Variants in SDS observed in about 807,000 individuals in gnomAD.
SDS encodes the protein serine dehydratase, also known as L-serine dehydratase/L-threonine deaminase.
A neutral mutation model predicts 29.3 loss-of-function variants in SDS; 19 were observed. The observed-to-expected ratio is 0.65, with a 90% CI of 0.45 to 0.95. The LOEUF (loss-of-function observed/expected upper bound fraction) is 0.95, where lower values mean the gene tolerates loss of function less well. SDS is among the 40% of genes least tolerant of loss of function. The pLI is 0.00. For synonymous variants in SDS, 176 were observed against 189.0 expected (o/e 0.93, Z 0.56); for missense variants, 375 against 439.9 (o/e 0.85, Z 1.32).
chr12:113,399,137 G>A lies in SDS; in HGVS notation c.168C>T (p.Gly56=), dbSNP rs192361651. The A allele has an allele frequency of 2.3e-5, 37 of 1,613,910 alleles. No homozygotes were observed. The East Asian group carries it at 6.7e-4, about 29-fold the overall frequency. Residue 56 remains glycine (G), a synonymous_variant, in exon 3 of 8, where the codon GGC becomes GGT. Coordinates refer to ENST00000257549, the MANE Select transcript of SDS (RefSeq NM_006843.3). ...GHFCKRWAKQ[G]CAHFVCSSAG... ...CCGAGGAGCAGACAAAATGTGCACA[G>A]CCTTGCTTGGCCCACTGTGGAGACA...
intron 6 of SDS, chr12:113,396,547 T>TC (rs1565869431): frequency 3.3e-5 from 1 of 30,130 alleles, no homozygotes; most frequent in Non-Finnish European, 7.2e-5. Context: ...CCTCTCTCCC[T>TC]TCCTTCCTTC....
chr12:113,399,455 T>A (rs1957670437), intron 2 of SDS, 101 bp downstream of exon 2: 2 of 1,341,520 alleles, frequency 1.5e-6, no homozygotes, highest in African/African-American at 3.0e-5. Context: ...GTCAGTAGGC[T>A]TATCCTACAA....
intron 2 of SDS, 102 bp from the exon 3 acceptor site, chr12:113,399,253 C>T (rs575386015): frequency 2.9e-5 from 37 of 1,259,402 alleles, no homozygotes; most frequent in African/African-American, 2.8e-4. Context: ...TGGACACGGA[C>T]GTTTCCTTCA....
At chr12:113,401,903 T>G (rs1957686463) in intron 1 of SDS, among the ~76,000 whole-genome samples, 1 of 152,078 alleles carries the variant, frequency 6.6e-6, no homozygotes, top group South Asian at 2.1e-4. Flanking sequence ...TGGTTCCCCC[T>G]CCCTCCACCA....
In SDS at chr12:113,393,014, C is replaced by T. The variant is rs1334616904; in HGVS notation, c.914G>A (p.Gly305Asp). 3 of 1,614,114 alleles carry T rather than the reference C, an allele frequency of 1.9e-6. No individual in the cohort carries two copies. Among genetic ancestry groups the T allele is most frequent in the East Asian group, 2.2e-5 (1 of 44,884 alleles). ...LPSLVVIVCG[G>D]SNISLAQLRA... is the part of the protein sequence containing the mutation. ...CAGCTGGGCCAGGCTGATGTTGCTG[C>T]CCCCGCAGACGATGACCACGAGGGA... is the stretch of plus-strand genomic sequence containing the variant. Residue 305 changes from glycine (G) to aspartate (D), a missense_variant, in exon 8 of 8, where the codon GGC becomes GAC. By Grantham distance (94) the Gly-to-Asp change is moderately conservative. Coordinates refer to ENST00000257549, the MANE Select transcript of SDS (RefSeq NM_006843.3).
At position 113,398,718 on chromosome 12, in the gene SDS, C is replaced by A; in HGVS notation, c.322G>T (p.Val108Leu). ...GGGTCGGCACTCACCTCACCCACCA[C>A]CTTGACTGTGGCACCTTCATTCTTG... is the stretch of plus-strand genomic sequence containing the variant. ...RLKNEGATVK[V>L]VGELLDEAFE... is the part of the protein sequence containing the mutation. Residue 108 changes from valine (V) to leucine (L), a missense_variant, in exon 4 of 8, where the codon GTG (valine) becomes TTG (leucine). Coordinates refer to ENST00000257549, the MANE Select transcript of SDS (RefSeq NM_006843.3). The A allele has an allele frequency of 1.2e-6, 2 of 1,614,194 alleles. No homozygotes were observed. The highest frequency in any genetic ancestry group is 1.7e-6 in the Non-Finnish European group (2 of 1,180,006).
At chr12:113,396,383 T>G (rs999236724) in intron 6 of SDS, among the ~76,000 whole-genome samples, 2 of 149,708 alleles carry the variant, frequency 1.3e-5, no homozygotes, top group African/African-American at 4.9e-5. Context: ...TCTCTCTTTT[T>G]CTTTCTTTCT....
At chr12:113,397,001 G>A in intron 6 of SDS, 164 bp downstream of exon 6, 1 of 644,712 alleles carries the variant, frequency 1.6e-6, no homozygotes, top group East Asian at 2.7e-5. Context: ...TTGGGTTTGA[G>A]TCCAAGCTGT....
intron 6 of SDS, among the ~76,000 whole-genome samples, chr12:113,395,743 G>A (rs906496401): frequency 6.6e-6 from 1 of 152,182 alleles, no homozygotes; most frequent in Non-Finnish European, 1.5e-5. Context: ...ACTTTTCATG[G>A]TAAAGTTCAA....
At chr12:113,401,204 G>A (rs1463014384) in intron 1 of SDS, among the ~76,000 whole-genome samples, 1 of 151,836 alleles carries the variant, frequency 6.6e-6, no homozygotes, top group East Asian at 1.9e-4. Flanking sequence ...ACGATCCCAG[G>A]ACCCAGCAAA....
chr12:113,393,808 G>C, intron 7 of SDS, 84 bp downstream of exon 7: 2 of 1,576,238 alleles, frequency 1.3e-6, no homozygotes. Flanking sequence ...CTTGGGGTGA[G>C]TGGGATCCCC....
Position 113,392,955 on chromosome 12 carries a change from T to A in SDS, c.973A>T (p.Arg325Trp), listed in dbSNP as rs1312173773. 6.2e-7 allele frequency: 1 copy of A among 1,614,120 alleles called. No homozygotes were observed. The highest frequency in any genetic ancestry group is 8.5e-7 in the Non-Finnish European group (1 of 1,179,990). ...GGGGTCCGTCCTCACTTGGGCAACC[T>A]ATTTGTCATGCCCAGCTGTTCCTTG... The part of the protein sequence containing the change: ...ALKEQLGMTN[R>W]LPK Residue 325 changes from arginine to tryptophan, a missense_variant, in exon 8 of 8, where the codon AGG becomes TGG. Coordinates refer to ENST00000257549, the MANE Select transcript of SDS (RefSeq NM_006843.3).
chr12:113,399,699 C>T lies in SDS; in HGVS notation c.10G>A (p.Gly4Arg), dbSNP rs1957672506. 1.3e-6 allele frequency: 2 copies of T among 1,584,662 alleles called. No homozygotes were observed. The highest frequency in any genetic ancestry group is 1.8e-5 in the Admixed American group (1 of 55,222). Residue 4 changes from glycine (G) to arginine (R), a missense_variant, in exon 2 of 8, where the codon GGA becomes AGA. Physicochemically the swap from Gly to Arg is moderately radical, Grantham distance 125. Transcript: ENST00000257549. ...GGGGTCTTCACGTGCAGGGGTTCTC[C>T]AGACATCATTCCTGGGAGAAAGGAA... Reference protein sequence around the residue: MMSGEPLHVKTPIR... With the variant: MMSREPLHVKTPIR...
Position 113,399,552 on chromosome 12 carries a change from G to T in SDS, c.153+4C>A. On this transcript the variant is annotated splice_donor_region_variant and intron_variant, in intron 2 of 7. Coordinates refer to ENST00000257549, the MANE Select transcript of SDS (RefSeq NM_006843.3). ...GCCCAGATAATGCTGACCCGGTCCC[G>T]TACCCTCTTGCAGAAGTGCCCAATG... 6.3e-7 allele frequency: 1 copy of T among 1,575,534 alleles called. No homozygotes were observed. The highest frequency in any genetic ancestry group is 8.6e-7 in the Non-Finnish European group (1 of 1,162,710).
At chr12:113,399,534 T>C (rs952056196) in intron 2 of SDS, 22 bp downstream of exon 2, 2 of 1,532,646 alleles carry the variant, frequency 1.3e-6, no homozygotes, top group African/African-American at 1.4e-5. Context: ...CCTGCCCAGA[T>C]AATGCTGACC....
intron 6 of SDS, 154 bp downstream of exon 6, chr12:113,397,011 T>C: frequency 3.0e-6 from 2 of 677,850 alleles, no homozygotes; most frequent in Non-Finnish European, 5.2e-6. Context: ...GTCCAAGCTG[T>C]ACCACTCACT....
chr12:113,396,582 C>G (rs1164539459), intron 6 of SDS: 1 of 105,908 alleles, frequency 9.4e-6, no homozygotes, highest in Non-Finnish European at 1.8e-5. Flanking sequence ...TCCTTCCTTC[C>G]TTCCTTCCTT....
chr12:113,393,839 G>A (rs779002093), intron 7 of SDS, 53 bp downstream of exon 7: 14 of 1,610,076 alleles, frequency 8.7e-6, no homozygotes, highest in Non-Finnish European at 1.2e-5. Flanking sequence ...CAAGTGGACA[G>A]CCACTTAGCG....
chr12:113,393,082 G>T lies in SDS; in HGVS notation c.846C>A (p.Ile282=). ...AALAAVYSHV[I]QKLQLEGNLR... is the part of the protein sequence containing the mutation. ...GATTCCCCTCCAGTTGGAGCTTCTG[G>T]ATCACGTGGCTATAGACAGCGGCCA... The change falls in exon 8 of 8, where the codon ATC becomes ATA. Residue 282 remains isoleucine, a synonymous_variant. Transcript: ENST00000257549. 6.2e-7 allele frequency: 1 copy of T among 1,614,214 alleles called. No homozygotes were observed. The highest frequency in any genetic ancestry group is 8.5e-7 in the Non-Finnish European group (1 of 1,180,028).
Sources: allele counts gnomAD v4.1 joint callset (sites outside exome capture counted in the v4.1 genomes callset), GRCh38; gene constraint gnomAD v4.1.1; transcripts MANE v1.5; gene names NCBI Gene and HGNC (gene_info 2026-07-23, HGNC 2026-07-21).